Variants in PTPRD observed in about 807,000 individuals in gnomAD.
The protein encoded by PTPRD is protein tyrosine phosphatase receptor type D, also known as receptor-type tyrosine-protein phosphatase delta.
In PTPRD, 34 loss-of-function variants were observed where a neutral mutation model predicts 214.5. That is an observed-to-expected ratio of 0.16 (90% CI 0.12 to 0.21). The LOEUF is 0.21. Among genes scored for constraint, PTPRD ranks in the 10% least tolerant of loss-of-function variants. PTPRD has a pLI of 1.00. For synonymous variants in PTPRD, 1,128 were observed against 845.7 expected (o/e 1.33, Z -5.79); for missense variants, 2,545 against 2,398.7 (o/e 1.06, Z -1.27).
intron 7 of PTPRD, among the ~76,000 whole-genome samples, chr9:9,664,771 C>A (rs557429968): frequency 6.6e-6 from 1 of 151,730 alleles, no homozygotes; most frequent in South Asian, 2.1e-4. Context: ...GATTAAAAAT[C>A]AGTGAATGAG....
intron 9 of PTPRD, among the ~76,000 whole-genome samples, chr9:9,266,272 C>A (rs1442294063): frequency 6.6e-6 from 1 of 151,288 alleles, no homozygotes; most frequent in African/African-American, 2.4e-5. Context: ...AATATTAACA[C>A]ATCTTAAGGG....
chr9:9,175,256 A>T (rs1214600524), intron 10 of PTPRD, among the ~76,000 whole-genome samples: 3 of 152,104 alleles, frequency 2.0e-5, no homozygotes, highest in African/African-American at 7.2e-5. Context: ...AGAACAATTA[A>T]CCACTAAAAT....
rs1343798569 is a variant in PTPRD at position 9,072,433 on chromosome 9, T to C, written c.-142-53698A>G. Among the ~76,000 whole-genome samples the C allele has an allele frequency of 2.0e-5, 3 of 152,112 alleles. No homozygotes were observed. In the East Asian group the frequency reaches 5.8e-4, roughly 29 times the overall value. On this transcript the variant is annotated intron_variant, in intron 10 of 45. Transcript: ENST00000381196. Reference sequence around the variant, plus strand: ...AAGCCAATGTTGTAAGAAGTTGTTTTAAAAACCACTGGGTAGAGCAGATGG... The same window carrying C: ...AAGCCAATGTTGTAAGAAGTTGTTTCAAAAACCACTGGGTAGAGCAGATGG...
intron 11 of PTPRD, among the ~76,000 whole-genome samples, chr9:8,943,993 A>C (rs947155514): frequency 7.2e-5 from 11 of 152,078 alleles, no homozygotes; most frequent in African/African-American, 2.7e-4. Flanking sequence ...ACATTTGCAA[A>C]CTATTCATCT....
At chr9:9,685,014 G>C (rs1225602894) in intron 7 of PTPRD, among the ~76,000 whole-genome samples, 1 of 151,418 alleles carries the variant, frequency 6.6e-6, no homozygotes, top group Non-Finnish European at 1.5e-5. Context: ...TTAGAACACA[G>C]TCAGCACTTA....
At chr9:8,955,999 C>T (rs1046060246) in intron 11 of PTPRD, among the ~76,000 whole-genome samples, 2 of 151,830 alleles carry the variant, frequency 1.3e-5, no homozygotes, top group East Asian at 3.9e-4. Context: ...TTTTGAATTC[C>T]ATCAAGTATC....
At chr9:8,402,893 C>T (rs929691793) in intron 36 of PTPRD, among the ~76,000 whole-genome samples, 2 of 151,996 alleles carry the variant, frequency 1.3e-5, no homozygotes, top group African/African-American at 4.8e-5. Context: ...AAGGCTAACT[C>T]TTGAACACTT....
intron 11 of PTPRD, among the ~76,000 whole-genome samples, chr9:8,925,823 A>T (rs1301028802): frequency 6.7e-6 from 1 of 149,622 alleles, no homozygotes; most frequent in Non-Finnish European, 1.5e-5. Context: ...ACTTAATTCA[A>T]CGCCTCCTCA....
chr9:10,296,706 T>A lies in PTPRD; in HGVS notation c.-545+44257A>T, dbSNP rs117862955. 1.4e-4 allele frequency among the ~76,000 whole-genome samples: 22 copies of A among 152,052 alleles called. 1 individual carries two copies. The East Asian group carries it at 4.1e-3, about 28-fold the overall frequency. On this transcript the variant is annotated intron_variant, in intron 3 of 45. Coordinates refer to ENST00000381196, the MANE Select transcript of PTPRD (RefSeq NM_002839.4). Reference sequence around the variant, plus strand: ...TGTCATTGGCACAGGAAGGGACACCTCAGGTATCTGGGAGTGAGATATAAG... The same window carrying A: ...TGTCATTGGCACAGGAAGGGACACCACAGGTATCTGGGAGTGAGATATAAG...
intron 2 of PTPRD, among the ~76,000 whole-genome samples, chr9:10,566,316 T>C (rs1322961999): frequency 6.6e-6 from 1 of 152,034 alleles, no homozygotes; most frequent in Non-Finnish European, 1.5e-5. Flanking sequence ...GGTGTGTATA[T>C]TGTCAGCTTT....
intron 8 of PTPRD, among the ~76,000 whole-genome samples, chr9:9,477,694 A>T (rs907176805): frequency 1.3e-5 from 2 of 152,188 alleles, no homozygotes; most frequent in Non-Finnish European, 1.5e-5. Context: ...ATTTCCCAGT[A>T]CCTAATAATA....
intron 2 of PTPRD, among the ~76,000 whole-genome samples, chr9:10,543,880 T>G (rs1195360714): frequency 2.0e-5 from 3 of 152,162 alleles, no homozygotes; most frequent in Non-Finnish European, 4.4e-5. Flanking sequence ...TATATCCAAG[T>G]GCTAAGATGT....
intron 10 of PTPRD, among the ~76,000 whole-genome samples, chr9:9,167,330 G>C (rs2099906258): frequency 8.2e-6 from 1 of 121,332 alleles, no homozygotes; most frequent in South Asian, 2.4e-4. Context: ...TATGGGGTTT[G>C]TGTGTGTGTG....
At chr9:10,404,027 A>C (rs533309055) in intron 2 of PTPRD, among the ~76,000 whole-genome samples, 1 of 151,722 alleles carries the variant, frequency 6.6e-6, no homozygotes, top group Non-Finnish European at 1.5e-5. Context: ...TCATGTAGTA[A>C]TGACAAATCC....
intron 9 of PTPRD, among the ~76,000 whole-genome samples, chr9:9,186,631 CCTCTCTCTCTCT>C (rs141616035): frequency 7.1e-4 from 100 of 140,962 alleles, no homozygotes; most frequent in African/African-American, 1.8e-3. Context: ...TCTGTCTCTC[CCTCTCTCTCTCT>C]CTCTCTCTCT....
chr9:10,512,052 G>GTA lies in PTPRD; in HGVS notation c.-600+100344_-600+100345dup, dbSNP rs142057374. Among the ~76,000 whole-genome samples, 974 of 124,406 alleles carry GTA rather than the reference G, an allele frequency of 7.8e-3. 17 individuals carry two copies. The highest frequency in any genetic ancestry group is 0.029 in the African/African-American group (896 of 30,502). 81.6% of individuals were successfully genotyped at this position (124,406 alleles called of 152,430 possible). On this transcript the variant is annotated intron_variant, in intron 2 of 45. Coordinates refer to ENST00000381196, the MANE Select transcript of PTPRD (RefSeq NM_002839.4). ...TATGTATATATATATATACACACAC[G>GTA]TATATATATATGAAGTAAAAACTAT...
At chr9:10,278,368 G>A (rs1224269977) in intron 3 of PTPRD, among the ~76,000 whole-genome samples, 1 of 152,168 alleles carries the variant, frequency 6.6e-6, no homozygotes, top group Non-Finnish European at 1.5e-5. Flanking sequence ...CTGGGAGACT[G>A]CTGTACAAAC....
chr9:9,223,149 T>C (rs926882002), intron 9 of PTPRD, among the ~76,000 whole-genome samples: 2 of 152,006 alleles, frequency 1.3e-5, no homozygotes, highest in Non-Finnish European at 1.5e-5. Flanking sequence ...TTGTTTATAA[T>C]ATAGCTCTAA....
chr9:8,322,209 A>G (rs1451148930), intron 44 of PTPRD, among the ~76,000 whole-genome samples: 1 of 151,980 alleles, frequency 6.6e-6, no homozygotes, highest in African/African-American at 2.4e-5. Context: ...AAATTAGGCC[A>G]GTTAATAACC....
Sources: allele counts gnomAD v4.1 joint callset (sites outside exome capture counted in the v4.1 genomes callset), GRCh38; gene constraint gnomAD v4.1.1; transcripts MANE v1.5; gene names NCBI Gene and HGNC (gene_info 2026-07-23, HGNC 2026-07-21).